Variants in OR6C74 observed in about 807,000 individuals in gnomAD.
OR6C74 encodes olfactory receptor family 6 subfamily C member 74, also known as olfactory receptor 6C74.
For missense variants in OR6C74, 361 were observed against 362.9 expected, an observed-to-expected ratio of 0.99 and a Z score of 0.04; for synonymous variants, 142 against 134.2, an observed-to-expected ratio of 1.06 and a Z score of -0.40.
Position 55,254,955 on chromosome 12 carries a change from G to T in OR6C74, c.*6729G>T, listed in dbSNP as rs928718533. 1.6e-4 allele frequency among the ~76,000 whole-genome samples: 24 copies of T among 152,082 alleles called. No homozygotes were observed. The highest frequency in any genetic ancestry group is 5.3e-4 in the African/African-American group (22 of 41,512). ...CAAATATATCAGTTATCACTGTTAG[G>T]TTGCAATTCTCCATGGCATTTCTAC... On this transcript the variant is annotated 3_prime_UTR_variant, in exon 2 of 2. Transcript: ENST00000343399.
intron 1 of OR6C74, among the ~76,000 whole-genome samples, chr12:55,245,301 T>G (rs1954263481): frequency 6.6e-6 from 1 of 152,166 alleles, no homozygotes; most frequent in African/African-American, 2.4e-5. Context: ...GGAATGCATT[T>G]TATTAAATGA....
In OR6C74 at chr12:55,248,220, G is replaced by A; in HGVS notation, c.933G>A (p.Met311Ile). 6.3e-7 allele frequency: 1 copy of A among 1,582,836 alleles called. No homozygotes were observed. Among genetic ancestry groups the A allele is most frequent in the Non-Finnish European group, 8.7e-7 (1 of 1,154,524 alleles). ...TCAAAAAGATTGAACTTTTCTCAATGAAATGAATCACTTTAACGATATTAT... is the reference window on the plus strand; with the variant it reads ...TCAAAAAGATTGAACTTTTCTCAATAAAATGAATCACTTTAACGATATTAT... The part of the protein sequence containing the change: ...HTVKKIELFS[M>I]K The change falls in exon 2 of 2, where the codon ATG becomes ATA. Residue 311 changes from methionine (M) to isoleucine (I), a missense_variant. Physicochemically the swap from Met to Ile is conservative, Grantham distance 10 (BLOSUM62 1). Coordinates refer to ENST00000343399, the MANE Select transcript of OR6C74 (RefSeq NM_001005490.2).
chr12:55,254,813 G>T lies in OR6C74; in HGVS notation c.*6587G>T, dbSNP rs1954332870. 6.6e-6 allele frequency among the ~76,000 whole-genome samples: 1 copy of T among 152,016 alleles called. No individual in the cohort carries two copies. The highest frequency in any genetic ancestry group is 1.5e-5 in the Non-Finnish European group (1 of 67,986). On this transcript the variant is annotated 3_prime_UTR_variant, in exon 2 of 2. Coordinates refer to ENST00000343399, the MANE Select transcript of OR6C74 (RefSeq NM_001005490.2). ...CCAAGTGATAATATTTGATGCCATA[G>T]ACTTGTAATATTCCATTTTCTTATG...
chr12:55,247,303 A>G lies in OR6C74; in HGVS notation c.16A>G (p.Thr6Ala). MRNHT[T>A]VANFILLGLT... is the part of the protein sequence containing the mutation. ...GAAATCAACTATGAGAAACCATACA[A>G]CAGTAGCAAACTTTATTCTTCTTGG... The change falls in exon 2 of 2, where the codon ACA (threonine) becomes GCA (alanine). Residue 6 changes from threonine (T) to alanine (A), a missense_variant. Thr to Ala is a moderately conservative substitution (Grantham distance 58). Transcript: ENST00000343399. The G allele has an allele frequency of 6.3e-7, 1 of 1,595,232 alleles. No homozygotes were observed.
rs1565649345 is a variant in OR6C74 at position 55,256,549 on chromosome 12, C to T, written c.*8323C>T. Among the ~76,000 whole-genome samples, 1 of 152,076 alleles carries T rather than the reference C, an allele frequency of 6.6e-6. No homozygotes were observed. Among genetic ancestry groups the T allele is most frequent in the African/African-American group, 2.4e-5 (1 of 41,414 alleles). On this transcript the variant is annotated 3_prime_UTR_variant, in exon 2 of 2. Transcript: ENST00000343399. Reference sequence around the variant, plus strand: ...TGATGCACACACTATATTGTAAACTCTTATCTCTGTATACTGTACTTCTGC... The same window carrying T: ...TGATGCACACACTATATTGTAAACTTTTATCTCTGTATACTGTACTTCTGC...
chr12:55,248,267 A>AC lies in OR6C74; in HGVS notation c.*42dup. On this transcript the variant is annotated 3_prime_UTR_variant, in exon 2 of 2. Transcript: ENST00000343399. Reference sequence around the variant, plus strand: ...TTATTAAGGTTATTAGTAAAATAAAACAAGAAGAGTGGAGTATGTGCAAAG... The same window carrying AC: ...TTATTAAGGTTATTAGTAAAATAAAACCAAGAAGAGTGGAGTATGTGCAAAG... 1.5e-6 allele frequency: 2 copies of AC among 1,313,328 alleles called. No homozygotes were observed. Among genetic ancestry groups the AC allele is most frequent in the Non-Finnish European group, 2.1e-6 (2 of 944,458 alleles). 81.4% of individuals were successfully genotyped at this position (1,313,328 alleles called of 1,614,324 possible).
Position 55,244,733 on chromosome 12 carries a change from T to C in OR6C74, c.-94T>C, listed in dbSNP as rs902610818. ...AGAAGAGATATGATAAACATAGAGG[T>C]AGATATATGCTCCAAATTTAATTTA... On this transcript the variant is annotated 5_prime_UTR_variant, in exon 1 of 2. Coordinates refer to ENST00000343399, the MANE Select transcript of OR6C74 (RefSeq NM_001005490.2). Among the ~76,000 whole-genome samples, 2 of 149,228 alleles carry C rather than the reference T, an allele frequency of 1.3e-5. No homozygotes were observed. Among genetic ancestry groups the C allele is most frequent in the Non-Finnish European group, 3.0e-5 (2 of 66,688 alleles).
At position 55,251,723 on chromosome 12, in the gene OR6C74, A is replaced by G. The variant is rs1207267705; in HGVS notation, c.*3497A>G. On this transcript the variant is annotated 3_prime_UTR_variant, in exon 2 of 2. Coordinates refer to ENST00000343399, the MANE Select transcript of OR6C74 (RefSeq NM_001005490.2). ...GATAATTCAATTGTATGATACAATA[A>G]AGTCCCATTGTATCATACATATCTC... is the stretch of plus-strand genomic sequence containing the variant. Among the ~76,000 whole-genome samples the G allele has an allele frequency of 1.3e-5, 2 of 151,932 alleles. No individual in the cohort carries two copies. Among genetic ancestry groups the G allele is most frequent in the East Asian group, 3.9e-4 (2 of 5,194 alleles).
At chr12:55,247,193 C>CT in intron 1 of OR6C74, 86 bp from the exon 2 acceptor site, 1 of 726,930 alleles carries the variant, frequency 1.4e-6, no homozygotes, top group Non-Finnish European at 2.3e-6. Context: ...GTAGCAATGT[C>CT]TTTATGGTGG....
In OR6C74 at chr12:55,249,413, G is replaced by A. The variant is rs1228257719; in HGVS notation, c.*1187G>A. ...ACCTTATGAATAATTCTGACTGGAA[G>A]GATTTATTTTTCTGACTTATAAAAT... is the stretch of plus-strand genomic sequence containing the variant. On this transcript the variant is annotated 3_prime_UTR_variant, in exon 2 of 2. Transcript: ENST00000343399. Among the ~76,000 whole-genome samples the A allele has an allele frequency of 1.3e-5, 2 of 151,934 alleles. No individual in the cohort carries two copies. The highest frequency in any genetic ancestry group is 2.9e-5 in the Non-Finnish European group (2 of 67,982).
Position 55,255,980 on chromosome 12 carries a change from C to T in OR6C74, c.*7754C>T, listed in dbSNP as rs747664094. Among the ~76,000 whole-genome samples the T allele has an allele frequency of 2.6e-5, 4 of 151,794 alleles. No homozygotes were observed. Among genetic ancestry groups the T allele is most frequent in the Admixed American group, 6.6e-5 (1 of 15,220 alleles). On this transcript the variant is annotated 3_prime_UTR_variant, in exon 2 of 2. Coordinates refer to ENST00000343399, the MANE Select transcript of OR6C74 (RefSeq NM_001005490.2). ...CTATATAGTAATGTAAAGATGAATACATAATGTAGGGAGACCCCCTGAAAC... is the reference window on the plus strand; with the variant it reads ...CTATATAGTAATGTAAAGATGAATATATAATGTAGGGAGACCCCCTGAAAC...
rs1954292369 is a variant in OR6C74, at chr12:55,248,568, A to G, written c.*342A>G. ...CTGGAATTCAAGGACCCAATTTGTC[A>G]TATATTCTACATAGAGTTCAGTAGA... On this transcript the variant is annotated 3_prime_UTR_variant, in exon 2 of 2. Coordinates refer to ENST00000343399, the MANE Select transcript of OR6C74 (RefSeq NM_001005490.2). 6.6e-6 allele frequency among the ~76,000 whole-genome samples: 1 copy of G among 152,208 alleles called. No individual in the cohort carries two copies. The highest frequency in any genetic ancestry group is 2.1e-4 in the South Asian group (1 of 4,832).
intron 1 of OR6C74, among the ~76,000 whole-genome samples, chr12:55,245,223 T>G (rs1355920153): frequency 6.6e-6 from 1 of 152,116 alleles, no homozygotes; most frequent in Non-Finnish European, 1.5e-5. Flanking sequence ...TAAGAAAGCT[T>G]TGAACCTTTC....
Position 55,247,434 on chromosome 12 carries a change from G to A in OR6C74, c.147G>A (p.Leu49=), listed in dbSNP as rs11171387. 1.0e-2 allele frequency: 16,091 copies of A among 1,613,342 alleles called. 1,398 individuals carry two copies. The African/African-American group carries it at 0.19, about 19-fold the overall frequency. ...GNLTIITLTL[L]DLHLKTPMYF... ...TAACCATCATCACTCTCACCCTACT[G>A]GATTTGCATCTCAAGACACCCATGT... Residue 49 remains leucine, a synonymous_variant, in exon 2 of 2, where the codon CTG becomes CTA. Transcript: ENST00000343399.
At chr12:55,245,741 CT>C (rs1439641378) in intron 1 of OR6C74, among the ~76,000 whole-genome samples, 1 of 152,190 alleles carries the variant, frequency 6.6e-6, no homozygotes, top group East Asian at 1.9e-4. Context: ...TACTTTCTGA[CT>C]GCATTCTCTG....
chr12:55,251,928 G>A lies in OR6C74; in HGVS notation c.*3702G>A, dbSNP rs577700448. Among the ~76,000 whole-genome samples the A allele has an allele frequency of 6.6e-6, 1 of 151,730 alleles. No individual in the cohort carries two copies. The highest frequency in any genetic ancestry group is 6.6e-5 in the Admixed American group (1 of 15,232). On this transcript the variant is annotated 3_prime_UTR_variant, in exon 2 of 2. Transcript: ENST00000343399. ...TACCTTCAAATATTAAGATTACTGT[G>A]TTCTCAAAAATTATGGACTTGCTTT...
At position 55,253,251 on chromosome 12, in the gene OR6C74, T is replaced by C. The variant is rs906181992; in HGVS notation, c.*5025T>C. Among the ~76,000 whole-genome samples the C allele has an allele frequency of 6.6e-6, 1 of 152,136 alleles. No individual in the cohort carries two copies. The highest frequency in any genetic ancestry group is 1.5e-5 in the Non-Finnish European group (1 of 67,978). On this transcript the variant is annotated 3_prime_UTR_variant, in exon 2 of 2. Transcript: ENST00000343399. ...AAATGGGCCATAACTGAAAAGACAGTTGCAATTGAATTTACTACCTAATTT... is the reference window on the plus strand; with the variant it reads ...AAATGGGCCATAACTGAAAAGACAGCTGCAATTGAATTTACTACCTAATTT...
In OR6C74 at chr12:55,251,703, T is replaced by C. The variant is rs1954312355; in HGVS notation, c.*3477T>C. Among the ~76,000 whole-genome samples, 2 of 151,910 alleles carry C rather than the reference T, an allele frequency of 1.3e-5. No individual in the cohort carries two copies. Among genetic ancestry groups the C allele is most frequent in the South Asian group, 4.1e-4 (2 of 4,832 alleles). The stretch of plus-strand genomic sequence containing the variant: ...GTGTTTATGAGCATTGAAGAGATAA[T>C]TCAATTGTATGATACAATAAAGTCC... On this transcript the variant is annotated 3_prime_UTR_variant, in exon 2 of 2. Coordinates refer to ENST00000343399, the MANE Select transcript of OR6C74 (RefSeq NM_001005490.2).
chr12:55,250,969 A>G lies in OR6C74; in HGVS notation c.*2743A>G, dbSNP rs1954308156. The stretch of plus-strand genomic sequence containing the variant: ...CTTTGATCTCTAACTCATCCTCCAC[A>G]TTGCTAGTAGGATACTTTCTAAAAT... On this transcript the variant is annotated 3_prime_UTR_variant, in exon 2 of 2. Coordinates refer to ENST00000343399, the MANE Select transcript of OR6C74 (RefSeq NM_001005490.2). Among the ~76,000 whole-genome samples the G allele has an allele frequency of 6.6e-6, 1 of 151,998 alleles. No homozygotes were observed. Among genetic ancestry groups the G allele is most frequent in the Non-Finnish European group, 1.5e-5 (1 of 67,970 alleles).
Sources: gnomAD v4.1 joint callset for allele counts (sites outside exome capture counted in the v4.1 genomes callset) on GRCh38, gnomAD v4.1.1 for gene constraint, MANE v1.5 for transcripts, NCBI Gene and HGNC (gene_info 2026-07-23, HGNC 2026-07-21) for gene names.